The following NDRG1 variants were observed in gnomAD, a reference collection of about 807,000 sequenced individuals.
NDRG1 encodes the protein N-myc downstream regulated 1.
In NDRG1, 32 loss-of-function variants were observed where a neutral mutation model predicts 56.9. The observed-to-expected ratio is 0.56, with a 90% CI of 0.42 to 0.76. The LOEUF is 0.76. Among genes scored for constraint, NDRG1 ranks in the 30% least tolerant of loss-of-function variants. The pLI, the probability that NDRG1 is intolerant of heterozygous loss-of-function variation, is 0.00. For missense variants in NDRG1, 507 were observed against 545.7 expected, an observed-to-expected ratio of 0.93 and a Z score of 0.71; for synonymous variants, 211 against 204.1, an observed-to-expected ratio of 1.03 and a Z score of -0.29.
intron 3 of NDRG1, 58 bp from the exon 4 acceptor site, chr8:133,264,710 C>T: frequency 7.1e-7 from 1 of 1,405,158 alleles, no homozygotes; most frequent in Non-Finnish European, 1.0e-6. Context: ...ATCCGCGTGG[C>T]TGAAGACAGC....
Position 133,252,025 on chromosome 8 carries a change from AG to A in NDRG1, c.595-1483del, listed in dbSNP as rs538379038. The stretch of plus-strand genomic sequence containing the variant: ...GAATTTCCCCTGGAGCCTGTGGCGG[AG>A]GGGCGGCCCTGCCAGCGCTTGACAT... On this transcript the variant is annotated intron_variant, in intron 9 of 15. Coordinates refer to ENST00000323851, the MANE Select transcript of NDRG1 (RefSeq NM_006096.4). 2.0e-3 allele frequency among the ~76,000 whole-genome samples: 309 copies of A among 152,308 alleles called. 1 individual carries two copies. The highest frequency in any genetic ancestry group is 7.1e-3 in the African/African-American group (296 of 41,580).
intron 5 of NDRG1, 97 bp downstream of exon 5, chr8:133,261,950 C>A (rs903847885): frequency 1.4e-6 from 2 of 1,442,340 alleles, no homozygotes; most frequent in African/African-American, 1.4e-5. Context: ...TTATATTTTA[C>A]CACAGTTAAA....
rs1443845304 is a variant in NDRG1 at position 133,238,045 on chromosome 8, C to A, written c.*833G>T. On this transcript the variant is annotated 3_prime_UTR_variant, in exon 16 of 16. Coordinates refer to ENST00000323851, the MANE Select transcript of NDRG1 (RefSeq NM_006096.4). Reference sequence around the variant, plus strand: ...AAATCTAAATGATCTTCTCCCTGAACAAGAATAATCACTGGCTCATGTATC... The same window carrying A: ...AAATCTAAATGATCTTCTCCCTGAAAAAGAATAATCACTGGCTCATGTATC... 2 of 232,978 alleles carry A rather than the reference C, an allele frequency of 8.6e-6. No homozygotes were observed. Among genetic ancestry groups the A allele is most frequent in the Middle Eastern group, 1.2e-3 (1 of 806 alleles). 14.4% of individuals were successfully genotyped at this position (232,978 alleles called of 1,614,324 possible).
chr8:133,241,922 A>C, intron 15 of NDRG1, 101 bp downstream of exon 15: 1 of 1,374,684 alleles, frequency 7.3e-7, no homozygotes, highest in South Asian at 1.2e-5. Context: ...GAAGCTGGCC[A>C]GGGGGACACA....
intron 4 of NDRG1, 84 bp downstream of exon 4, chr8:133,264,463 C>T (rs150035207): frequency 2.4e-5 from 30 of 1,244,492 alleles, no homozygotes; most frequent in Admixed American, 1.7e-4. Context: ...CACCAGCTCC[C>T]GGCCATCAGC....
chr8:133,283,427 G>A (rs75214881), intron 2 of NDRG1, among the ~76,000 whole-genome samples: 3 of 152,302 alleles, frequency 2.0e-5, no homozygotes, highest in East Asian at 3.9e-4. Context: ...TTGAAGCTAC[G>A]GTGTCAACTG....
chr8:133,268,718 T>A (rs1225308812), intron 3 of NDRG1, among the ~76,000 whole-genome samples: 1 of 152,118 alleles, frequency 6.6e-6, no homozygotes, highest in African/African-American at 2.4e-5. Flanking sequence ...TCGAACTCTC[T>A]CCGCTGGGCC....
intron 1 of NDRG1, 115 bp from the exon 2 acceptor site, chr8:133,284,444 A>G (rs1857988216): frequency 9.1e-6 from 8 of 879,058 alleles, no homozygotes; most frequent in Non-Finnish European, 1.5e-5. Flanking sequence ...CAGCAGCTTC[A>G]CCTCCCTCGT....
At chr8:133,259,421 C>T (rs556057240) in intron 5 of NDRG1, 191 bp from the exon 6 acceptor site, 73 of 638,268 alleles carry the variant, frequency 1.1e-4, no homozygotes, top group Non-Finnish European at 1.5e-4. Context: ...TTGCTTCCTA[C>T]GCTCCAGGTC....
chr8:133,243,986 G>GCA (rs912043994), intron 14 of NDRG1, among the ~76,000 whole-genome samples: 48 of 152,050 alleles, frequency 3.2e-4, no homozygotes, highest in African/African-American at 1.0e-3. Flanking sequence ...AAACATGCAT[G>GCA]CACACACACA....
intron 3 of NDRG1, among the ~76,000 whole-genome samples, chr8:133,271,188 C>A (rs1354761924): frequency 6.6e-6 from 1 of 152,188 alleles, no homozygotes; most frequent in Non-Finnish European, 1.5e-5. Flanking sequence ...AAGAGGATCA[C>A]CGCATACCCA....
intron 3 of NDRG1, among the ~76,000 whole-genome samples, chr8:133,270,337 C>T (rs1857128364): frequency 6.6e-6 from 1 of 152,208 alleles, no homozygotes; most frequent in Admixed American, 6.5e-5. Context: ...AAAACTATGG[C>T]AGACTCTGTT....
intron 5 of NDRG1, among the ~76,000 whole-genome samples, chr8:133,261,630 C>A (rs1256228330): frequency 1.3e-5 from 2 of 152,204 alleles, no homozygotes; most frequent in Non-Finnish European, 2.9e-5. Flanking sequence ...CCCCAGACTT[C>A]TAGGTTTTTC....
chr8:133,276,901 C>T (rs1319374096), intron 3 of NDRG1, among the ~76,000 whole-genome samples: 1 of 152,194 alleles, frequency 6.6e-6, no homozygotes, highest in Non-Finnish European at 1.5e-5. Context: ...TTCACAGCAG[C>T]AGTATTCACA....
chr8:133,254,426 G>T, intron 9 of NDRG1, 113 bp downstream of exon 9: 1 of 1,007,750 alleles, frequency 9.9e-7, no homozygotes, highest in Non-Finnish European at 1.5e-6. Flanking sequence ...CAGCTCGGTG[G>T]CCCCCAGTTG....
chr8:133,266,227 CGCAA>C (rs1014863153), intron 3 of NDRG1, among the ~76,000 whole-genome samples: 3 of 152,246 alleles, frequency 2.0e-5, no homozygotes, highest in Non-Finnish European at 4.4e-5. Flanking sequence ...TTGACCCGCC[CGCAA>C]GCGGCGCACA....
In NDRG1 at chr8:133,237,476, T is replaced by C. The variant is rs1855116211; in HGVS notation, c.*1402A>G. 4.3e-6 allele frequency: 1 copy of C among 232,802 alleles called. No individual in the cohort carries two copies. Among genetic ancestry groups the C allele is most frequent in the Non-Finnish European group, 8.5e-6 (1 of 117,820 alleles). 14.4% of individuals were successfully genotyped at this position (232,802 alleles called of 1,614,324 possible). A position where few individuals can be genotyped will look rare whatever the true frequency, so the allele number is the denominator to read the frequency against. On this transcript the variant is annotated 3_prime_UTR_variant, in exon 16 of 16. Coordinates refer to ENST00000323851, the MANE Select transcript of NDRG1 (RefSeq NM_006096.4). ...CAATTCACTCTGACCAAACTTCCTA[T>C]GAGAAAATCCACGGTGAGCCAAAAT...
chr8:133,255,202 A>T (rs1284121259), intron 8 of NDRG1: 1 of 441,242 alleles, frequency 2.3e-6, no homozygotes, highest in African/African-American at 2.0e-5. Context: ...GAAGCTCTAG[A>T]CCTAAGGGTC....
intron 1 of NDRG1, among the ~76,000 whole-genome samples, chr8:133,287,957 A>G (rs1241518682): frequency 1.3e-5 from 2 of 152,066 alleles, no homozygotes; most frequent in African/African-American, 4.8e-5. Flanking sequence ...ACACACACAC[A>G]CACACACTCT....
Sources: allele counts gnomAD v4.1 joint callset (sites outside exome capture counted in the v4.1 genomes callset), GRCh38; gene constraint gnomAD v4.1.1; transcripts MANE v1.5; gene names NCBI Gene and HGNC (gene_info 2026-07-23, HGNC 2026-07-21).